The following DLC1 variants were observed in gnomAD, a reference collection of about 807,000 sequenced individuals.
DLC1 encodes DLC1 Rho GTPase activating protein.
A neutral mutation model predicts 140.3 loss-of-function variants in DLC1; 54 were observed. The ratio of observed to expected loss-of-function variants is 0.38; its 90% CI spans 0.31 to 0.48. DLC1 has a LOEUF of 0.48. Ranked by LOEUF, DLC1 falls within the 20% of genes least tolerant of loss-of-function variation. The probability of loss-of-function intolerance (pLI) is 0.96; values close to 1 mark genes in which losing one functional copy is unlikely to be tolerated. For synonymous variants in DLC1, 986 were observed against 728.1 expected (o/e 1.35, Z -5.70); for missense variants, 2,536 against 1,907.0 (o/e 1.33, Z -6.14).
At chr8:13,297,287 A>AAAAAAAAAAAAAAG (rs1160453360) in intron 5 of DLC1, among the ~76,000 whole-genome samples, 1 of 139,822 alleles carries the variant, frequency 7.2e-6, no homozygotes, top group Non-Finnish European at 1.5e-5. Flanking sequence ...TACATTAAAA[A>AAAAAAAAAAAAAAG]AAAAAAAAAC....
chr8:13,166,912 T>A (rs1343914396), intron 5 of DLC1, among the ~76,000 whole-genome samples: 1 of 152,122 alleles, frequency 6.6e-6, no homozygotes, highest in Non-Finnish European at 1.5e-5. Flanking sequence ...ATACCTTATT[T>A]TTTTGGAGGT....
chr8:13,185,750 T>C (rs1297024884), intron 5 of DLC1, among the ~76,000 whole-genome samples: 1 of 152,196 alleles, frequency 6.6e-6, no homozygotes, highest in African/African-American at 2.4e-5. Flanking sequence ...ATTGATGGTC[T>C]TTACAATTTG....
rs535864607 is a variant in DLC1, at chr8:13,147,502, G to A, written c.1349-31845C>T. Among the ~76,000 whole-genome samples, 16 of 152,238 alleles carry A rather than the reference G, an allele frequency of 1.1e-4. No individual in the cohort carries two copies. The South Asian group carries it at 1.7e-3, about 16-fold the overall frequency. On this transcript the variant is annotated intron_variant, in intron 5 of 17. Transcript: ENST00000276297. ...CAGATCTGTGGCTGATACTGACCAT[G>A]TGAATCTGCATATTTCACAGTTCTG...
chr8:13,115,650 T>C lies in DLC1; in HGVS notation c.1356A>G (p.Glu452=). 1 of 1,614,110 alleles carries C rather than the reference T, an allele frequency of 6.2e-7. No individual in the cohort carries two copies. The highest frequency in any genetic ancestry group is 8.5e-7 in the Non-Finnish European group (1 of 1,179,996). Residue 452 remains glutamate (E), a synonymous_variant, in exon 6 of 18, where the codon GAA becomes GAG. Transcript: ENST00000276297. The part of the protein sequence containing the change: ...GISEKEKAEI[E]AKEACDWLRA... Reference sequence around the variant, plus strand: ...GTAGCCAATCACAAGCTTCCTTGGCTTCAATTTCTAGAACAGAACAGAAGA... The same window carrying C: ...GTAGCCAATCACAAGCTTCCTTGGCCTCAATTTCTAGAACAGAACAGAAGA...
At chr8:13,228,404 T>C (rs1202270817) in intron 5 of DLC1, among the ~76,000 whole-genome samples, 1 of 151,728 alleles carries the variant, frequency 6.6e-6, no homozygotes, top group Non-Finnish European at 1.5e-5. Context: ...ATGGAATACA[T>C]AATAAACTCT....
At chr8:13,482,080 A>G (rs112150071) in intron 2 of DLC1, among the ~76,000 whole-genome samples, 1 of 152,134 alleles carries the variant, frequency 6.6e-6, no homozygotes, top group Non-Finnish European at 1.5e-5. Flanking sequence ...CTAGACCACA[A>G]TTACGATGAC....
intron 5 of DLC1, among the ~76,000 whole-genome samples, chr8:13,221,943 AT>A (rs1228000514): frequency 2.8e-5 from 4 of 145,114 alleles, no homozygotes; most frequent in Non-Finnish European, 4.5e-5. Context: ...TAATATATAA[AT>A]TATCTATATT....
At chr8:13,354,264 C>T (rs1834817645) in intron 4 of DLC1, among the ~76,000 whole-genome samples, 1 of 152,100 alleles carries the variant, frequency 6.6e-6, no homozygotes, top group African/African-American at 2.4e-5. Flanking sequence ...GCCAAAACTC[C>T]TGCAGAAATT....
At chr8:13,128,646 C>T (rs1197638461) in intron 5 of DLC1, among the ~76,000 whole-genome samples, 1 of 152,152 alleles carries the variant, frequency 6.6e-6, no homozygotes, top group Admixed American at 6.5e-5. Flanking sequence ...TCCTGGCTAA[C>T]ACGATGAAAC....
intron 5 of DLC1, among the ~76,000 whole-genome samples, chr8:13,142,362 C>T (rs1040387041): frequency 6.6e-6 from 1 of 152,118 alleles, no homozygotes; most frequent in East Asian, 1.9e-4. Flanking sequence ...ATTTTCTGTT[C>T]CTGAACAAAC....
intron 5 of DLC1, among the ~76,000 whole-genome samples, chr8:13,234,556 G>C (rs1303864397): frequency 6.6e-6 from 1 of 152,146 alleles, no homozygotes; most frequent in Non-Finnish European, 1.5e-5. Context: ...AATGAAGAAA[G>C]CTACTTCTTA....
chr8:13,237,197 A>ATATATATG (rs1554478020), intron 5 of DLC1, among the ~76,000 whole-genome samples: 141 of 138,208 alleles, frequency 1.0e-3, no homozygotes, highest in African/African-American at 3.7e-3. Context: ...ATATATATAT[A>ATATATATG]TGTGTGTGTG....
intron 1 of DLC1, among the ~76,000 whole-genome samples, chr8:13,551,483 C>T (rs1158074872): frequency 6.6e-6 from 1 of 151,924 alleles, no homozygotes; most frequent in African/African-American, 2.4e-5. Context: ...TCTCTCTTTC[C>T]CTCCAACCTC....
intron 4 of DLC1, among the ~76,000 whole-genome samples, chr8:13,389,782 C>G (rs1160253276): frequency 6.6e-6 from 1 of 152,064 alleles, no homozygotes; most frequent in Non-Finnish European, 1.5e-5. Context: ...TTACTGTGGT[C>G]ACTACTATAA....
chr8:13,404,943 G>A (rs1837457191), intron 2 of DLC1, among the ~76,000 whole-genome samples: 1 of 152,078 alleles, frequency 6.6e-6, no homozygotes, highest in African/African-American at 2.4e-5. Context: ...GGAGGCAGAG[G>A]CAGCAGTGAG....
chr8:13,181,030 A>T (rs969617314), intron 5 of DLC1, among the ~76,000 whole-genome samples: 1 of 151,858 alleles, frequency 6.6e-6, no homozygotes, highest in South Asian at 2.1e-4. Context: ...AAAAAGTCCT[A>T]TCTTAATTCA....
intron 2 of DLC1, among the ~76,000 whole-genome samples, chr8:13,404,533 T>TAATAATATACTAA (rs1194972609): frequency 6.6e-6 from 1 of 152,202 alleles, no homozygotes; most frequent in Non-Finnish European, 1.5e-5. Context: ...TTAGTCAACA[T>TAATAATATACTAA]AATAACATAC....
At chr8:13,120,072 G>C (rs976489940) in intron 5 of DLC1, among the ~76,000 whole-genome samples, 1 of 151,818 alleles carries the variant, frequency 6.6e-6, no homozygotes, top group East Asian at 1.9e-4. Context: ...CTTGGGCATG[G>C]TGGCTCACGC....
chr8:13,572,132 C>T (rs1465197666), intron 1 of DLC1, among the ~76,000 whole-genome samples: 3 of 150,566 alleles, frequency 2.0e-5, no homozygotes, highest in South Asian at 4.2e-4. Context: ...CTCTGTCACC[C>T]AGGCTGGAAT....
Sources: gnomAD v4.1 joint callset for allele counts (sites outside exome capture counted in the v4.1 genomes callset) on GRCh38, gnomAD v4.1.1 for gene constraint, MANE v1.5 for transcripts, NCBI Gene and HGNC (gene_info 2026-07-23, HGNC 2026-07-21) for gene names.